The following TSHZ1 variants were observed in gnomAD, a reference collection of about 807,000 sequenced individuals.
The protein encoded by TSHZ1 is teashirt homolog 1.
TSHZ1 carries 12 observed loss-of-function variants against 67.1 expected under a neutral mutation model. That is an observed-to-expected ratio of 0.18 (90% CI 0.11 to 0.29). TSHZ1 has a LOEUF of 0.29. Among genes scored for constraint, TSHZ1 ranks in the 10% least tolerant of loss-of-function variants. TSHZ1 has a pLI of 1.00. For missense variants in TSHZ1, 1,305 were observed against 1,413.9 expected, an observed-to-expected ratio of 0.92 and a Z score of 1.23; for synonymous variants, 632 against 622.4, an observed-to-expected ratio of 1.02 and a Z score of -0.23.
intron 1 of TSHZ1, among the ~76,000 whole-genome samples, chr18:75,255,195 T>C (rs1376925909): frequency 6.6e-6 from 1 of 152,222 alleles, no homozygotes; most frequent in African/African-American, 2.4e-5. Context: ...CTTTCTCTAA[T>C]ATCGCATTTG....
At chr18:75,269,364 G>A (rs2023530201) in intron 1 of TSHZ1, among the ~76,000 whole-genome samples, 1 of 152,170 alleles carries the variant, frequency 6.6e-6, no homozygotes, top group East Asian at 1.9e-4. Flanking sequence ...ATGTGGTTCT[G>A]TGCTCAAGGA....
chr18:75,241,155 G>A (rs376383315), intron 1 of TSHZ1, among the ~76,000 whole-genome samples: 5 of 152,308 alleles, frequency 3.3e-5, no homozygotes, highest in African/African-American at 1.2e-4. Context: ...TGGGAACACA[G>A]TTTCAAACAA....
At chr18:75,237,432 G>A (rs2023087958) in intron 1 of TSHZ1, among the ~76,000 whole-genome samples, 1 of 152,136 alleles carries the variant, frequency 6.6e-6, no homozygotes, top group Admixed American at 6.5e-5. Context: ...TGAGGTGGGA[G>A]GATCACTTGA....
intron 1 of TSHZ1, among the ~76,000 whole-genome samples, chr18:75,268,162 G>A (rs1470467648): frequency 1.3e-5 from 2 of 152,268 alleles, no homozygotes; most frequent in East Asian, 1.9e-4. Context: ...TTTATTAACC[G>A]TCTTTAAGAC....
At chr18:75,223,051 C>A (rs1196567192) in intron 1 of TSHZ1, among the ~76,000 whole-genome samples, 2 of 152,186 alleles carry the variant, frequency 1.3e-5, no homozygotes, top group South Asian at 2.1e-4. Context: ...CCCTGCCTCC[C>A]AGCACTGCGG....
chr18:75,212,245 C>T (rs1006672236), intron 1 of TSHZ1, among the ~76,000 whole-genome samples: 3 of 152,178 alleles, frequency 2.0e-5, no homozygotes, highest in African/African-American at 7.2e-5. Flanking sequence ...GAAGTAGTTG[C>T]TCCTTGGCTG....
intron 1 of TSHZ1, among the ~76,000 whole-genome samples, chr18:75,219,533 C>A (rs374633041): frequency 2.0e-5 from 3 of 152,188 alleles, no homozygotes; most frequent in African/African-American, 7.2e-5. Context: ...AAGGTTAAAT[C>A]GGAAGTAGTT....
intron 1 of TSHZ1, among the ~76,000 whole-genome samples, chr18:75,236,244 CT>C (rs1187324569): frequency 2.0e-5 from 3 of 152,192 alleles, no homozygotes; most frequent in Non-Finnish European, 4.4e-5. Flanking sequence ...GTTCTTCCCC[CT>C]GACCTTCCCA....
In TSHZ1 at chr18:75,287,390, G is replaced by T. The variant is rs1248776224; in HGVS notation, c.1983G>T (p.Lys661Asn). Reference protein sequence around the residue: ...NIKKEERPPEKEKSSLAKAAS... With the variant: ...NIKKEERPPENEKSSLAKAAS... Reference sequence around the variant, plus strand: ...AGAAGGAGGAGAGACCCCCTGAGAAGGAGAAGAGCTCCCTGGCCAAGGCTG... The same window carrying T: ...AGAAGGAGGAGAGACCCCCTGAGAATGAGAAGAGCTCCCTGGCCAAGGCTG... Residue 661 changes from lysine (K) to asparagine (N), a missense_variant, in exon 2 of 2, where the codon AAG (lysine) becomes AAT (asparagine). Physicochemically the swap from Lys to Asn is moderately conservative, Grantham distance 94 (BLOSUM62 0). Coordinates refer to ENST00000580243, the MANE Select transcript of TSHZ1 (RefSeq NM_001308210.2). This position sits in a 1 kb window ranked among gnomAD's most constrained non-coding sequence, Gnocchi z 5.0. 2 of 1,613,896 alleles carry T rather than the reference G, an allele frequency of 1.2e-6. No individual in the cohort carries two copies. The highest frequency in any genetic ancestry group is 1.7e-6 in the Non-Finnish European group (2 of 1,179,988).
Position 75,286,541 on chromosome 18 carries a change from G to C in TSHZ1, c.1134G>C (p.Glu378Asp). The change falls in exon 2 of 2, where the codon GAG becomes GAC. Residue 378 changes from glutamate (E) to aspartate (D), a missense_variant. Transcript: ENST00000580243. This position sits in a 1 kb window ranked among gnomAD's most constrained non-coding sequence, Gnocchi z 5.1. ...AGMAAEVALS[E>D]SAKDQKAANP... is the part of the protein sequence containing the mutation. Reference sequence around the variant, plus strand: ...TGGCCGCAGAGGTGGCCCTGAGTGAGTCAGCCAAGGATCAGAAAGCAGCGA... The same window carrying C: ...TGGCCGCAGAGGTGGCCCTGAGTGACTCAGCCAAGGATCAGAAAGCAGCGA... The C allele has an allele frequency of 6.2e-7, 1 of 1,614,194 alleles. No individual in the cohort carries two copies. The highest frequency in any genetic ancestry group is 8.5e-7 in the Non-Finnish European group (1 of 1,180,046).
chr18:75,253,288 C>G (rs538939900), intron 1 of TSHZ1, among the ~76,000 whole-genome samples: 44 of 152,270 alleles, frequency 2.9e-4, no homozygotes, highest in Admixed American at 7.8e-4. Flanking sequence ...TATGTGGTAG[C>G]TAGATTTCAG....
chr18:75,253,314 C>G (rs149886857), intron 1 of TSHZ1, among the ~76,000 whole-genome samples: 1 of 152,176 alleles, frequency 6.6e-6, no homozygotes, highest in African/African-American at 2.4e-5. Flanking sequence ...GATTTTAGTA[C>G]TTTTTTATCA....
chr18:75,280,868 G>C (rs182024457), intron 1 of TSHZ1: 1 of 971,850 alleles, frequency 1.0e-6, no homozygotes, highest in Admixed American at 6.1e-5. Flanking sequence ...GGATTGAGAG[G>C]GTGGCATAAG....
At chr18:75,256,864 A>C (rs950953965) in intron 1 of TSHZ1, among the ~76,000 whole-genome samples, 3 of 152,250 alleles carry the variant, frequency 2.0e-5, no homozygotes, top group African/African-American at 7.2e-5. Context: ...TCGGATAGTT[A>C]GGTAGCTGGA....
intron 1 of TSHZ1, among the ~76,000 whole-genome samples, chr18:75,216,520 A>C (rs1269250934): frequency 1.3e-5 from 2 of 152,232 alleles, no homozygotes; most frequent in Non-Finnish European, 2.9e-5. Context: ...GTATCTATAC[A>C]GGCCGATAAC....
chr18:75,273,043 A>G (rs566058708), intron 1 of TSHZ1, among the ~76,000 whole-genome samples: 1 of 151,978 alleles, frequency 6.6e-6, no homozygotes, highest in African/African-American at 2.4e-5. Context: ...GGGTACAGGG[A>G]TGTTCCATAG....
At chr18:75,228,013 T>G (rs2022947906) in intron 1 of TSHZ1, among the ~76,000 whole-genome samples, 1 of 152,210 alleles carries the variant, frequency 6.6e-6, no homozygotes, top group South Asian at 2.1e-4. Context: ...ATATCGGAGT[T>G]ATGGTGTCAT....
In TSHZ1 at chr18:75,287,810, C is replaced by CTAT. The variant is rs1383009842; in HGVS notation, c.2407_2409dup (p.Tyr803dup). On this transcript the variant is annotated inframe_insertion, in exon 2 of 2. Transcript: ENST00000580243. The surrounding 1 kb of genome is among the most constrained non-coding windows in gnomAD (Gnocchi z 5.0). The stretch of plus-strand genomic sequence containing the variant: ...AGCAGGCCGATGCCATCGACCGCTA[C>CTAT]TATTATGAAAACAGCGACCAGCCCA... 6.2e-7 allele frequency: 1 copy of CTAT among 1,614,036 alleles called. No homozygotes were observed. The highest frequency in any genetic ancestry group is 8.5e-7 in the Non-Finnish European group (1 of 1,180,056).
intron 1 of TSHZ1, among the ~76,000 whole-genome samples, chr18:75,278,239 T>TG (rs1348363229): frequency 2.3e-5 from 3 of 128,258 alleles, no homozygotes; most frequent in Non-Finnish European, 4.8e-5. Context: ...TTGCTGTGTG[T>TG]GACAGGTATA....
Sources: allele counts gnomAD v4.1 joint callset (sites outside exome capture counted in the v4.1 genomes callset), GRCh38; gene constraint gnomAD v4.1.1; non-coding constraint Gnocchi (gnomAD v3.1); transcripts MANE v1.5; gene names NCBI Gene and HGNC (gene_info 2026-07-23, HGNC 2026-07-21).